Variants in FAM20A observed in about 807,000 individuals in gnomAD.
The protein encoded by FAM20A is FAM20A golgi associated secretory pathway pseudokinase.
Under a neutral mutation model 52.0 loss-of-function variants are expected in FAM20A, and 42 were observed. The ratio of observed to expected loss-of-function variants is 0.81; its 90% CI spans 0.63 to 1.04. The LOEUF is 1.04. Among genes scored for constraint, FAM20A ranks in the 50% least tolerant of loss-of-function variants. The probability of loss-of-function intolerance (pLI) is 0.00; values close to 1 mark genes in which losing one functional copy is unlikely to be tolerated. For missense variants in FAM20A, 742 were observed against 712.7 expected, an observed-to-expected ratio of 1.04 and a Z score of -0.47; for synonymous variants, 304 against 298.9, an observed-to-expected ratio of 1.02 and a Z score of -0.18.
intron 8 of FAM20A, chr17:68,540,518 C>G (rs1288160140): frequency 2.1e-6 from 1 of 484,856 alleles, no homozygotes; most frequent in African/African-American, 1.9e-5. Flanking sequence ...CTCCCTGCTA[C>G]ATATTTGTGT....
At chr17:68,567,665 A>T (rs974616800) in intron 1 of FAM20A, among the ~76,000 whole-genome samples, 1 of 152,000 alleles carries the variant, frequency 6.6e-6, no homozygotes, top group East Asian at 1.9e-4. Context: ...TTTGTCCTGC[A>T]TTGAAGCAAA....
intron 3 of FAM20A, among the ~76,000 whole-genome samples, chr17:68,554,057 C>CACATATGCAT (rs2086977628): frequency 1.5e-5 from 2 of 131,524 alleles, no homozygotes; most frequent in Admixed American, 1.5e-4. Context: ...CACATATACA[C>CACATATGCAT]ATATACACAC....
At chr17:68,598,814 G>A in intron 1 of FAM20A, among the ~76,000 whole-genome samples, 1 of 152,174 alleles carries the variant, frequency 6.6e-6, no homozygotes, top group Middle Eastern at 3.2e-3. Context: ...AAAAGCAAGT[G>A]ACTTTGTCCA....
chr17:68,564,351 A>G (rs542401826), intron 1 of FAM20A, among the ~76,000 whole-genome samples: 1 of 152,314 alleles, frequency 6.6e-6, no homozygotes, highest in Non-Finnish European at 1.5e-5. Flanking sequence ...AATGGTGGCT[A>G]TTTTTAATCA....
chr17:68,551,812 G>T, intron 4 of FAM20A, 61 bp downstream of exon 4: 3 of 1,222,734 alleles, frequency 2.5e-6, no homozygotes, highest in Non-Finnish European at 3.5e-6. Flanking sequence ...ATTAGTTTTT[G>T]GTCCAAATCT....
chr17:68,567,231 A>G (rs2087402357), intron 1 of FAM20A, among the ~76,000 whole-genome samples: 1 of 151,900 alleles, frequency 6.6e-6, no homozygotes, highest in South Asian at 2.1e-4. Flanking sequence ...CTGTTATTGC[A>G]CGAAAGGGGC....
intron 5 of FAM20A, 73 bp from the exon 6 acceptor site, chr17:68,542,882 C>T: frequency 8.5e-7 from 1 of 1,174,504 alleles, no homozygotes. Context: ...GTCCCCCGGC[C>T]AGTGCACATT....
In FAM20A at chr17:68,537,558, G is replaced by A. The variant is rs1036227169; in HGVS notation, c.1545C>T (p.Ala515=). ...ILRTVEGCIV[A]HGQQSVIVDG... ...CGACTATGACACTCTGCTGTCCATGGGCCACTATGCACCCCTCCACTGTCC... is the reference window on the plus strand; with the variant it reads ...CGACTATGACACTCTGCTGTCCATGAGCCACTATGCACCCCTCCACTGTCC... The change falls in exon 11 of 11, where the codon GCC becomes GCT. Residue 515 remains alanine, a synonymous_variant. Coordinates refer to ENST00000592554, the MANE Select transcript of FAM20A (RefSeq NM_017565.4). This position sits in a 1 kb window ranked among gnomAD's most constrained non-coding sequence, Gnocchi z 4.2. 1 of 1,613,468 alleles carries A rather than the reference G, an allele frequency of 6.2e-7. No homozygotes were observed. The highest frequency in any genetic ancestry group is 1.1e-5 in the South Asian group (1 of 91,002).
chr17:68,589,010 A>T (rs1425892693), intron 1 of FAM20A, among the ~76,000 whole-genome samples: 2 of 152,224 alleles, frequency 1.3e-5, no homozygotes, highest in Non-Finnish European at 2.9e-5. Flanking sequence ...TTTCTCTTCA[A>T]TGGCCAGGAT....
At chr17:68,542,630 A>AG (rs1282784159) in intron 6 of FAM20A, 64 bp downstream of exon 6, 6 of 1,222,326 alleles carry the variant, frequency 4.9e-6, no homozygotes, top group Non-Finnish European at 7.3e-6. Flanking sequence ...TGATGAATGG[A>AG]GGGGTGGACA....
chr17:68,556,008 A>G (rs1682322148), intron 1 of FAM20A, among the ~76,000 whole-genome samples: 1 of 152,178 alleles, frequency 6.6e-6, no homozygotes, highest in Non-Finnish European at 1.5e-5. Context: ...TTAATTACAA[A>G]CCAGGACAAA....
chr17:68,554,057 CAT>C (rs371446921), intron 3 of FAM20A, among the ~76,000 whole-genome samples: 22 of 131,526 alleles, frequency 1.7e-4, no homozygotes, highest in South Asian at 1.2e-3. Context: ...CACATATACA[CAT>C]ATACACACAT....
intron 4 of FAM20A, among the ~76,000 whole-genome samples, chr17:68,545,112 A>G (rs1242932071): frequency 6.6e-6 from 1 of 152,258 alleles, no homozygotes. Context: ...ACTTACAGAA[A>G]AATACAAAGC....
intron 5 of FAM20A, 77 bp downstream of exon 5, chr17:68,543,552 T>C (rs1236973667): frequency 7.7e-7 from 1 of 1,294,874 alleles, no homozygotes; most frequent in Admixed American, 1.7e-5. Context: ...AGTTCCCACC[T>C]TGAGGGTCTG....
chr17:68,571,114 G>A, intron 1 of FAM20A, among the ~76,000 whole-genome samples: 1 of 152,156 alleles, frequency 6.6e-6, no homozygotes, highest in Admixed American at 6.5e-5. Context: ...AGGAAAATGA[G>A]AAAGGGGCTG....
Position 68,540,858 on chromosome 17 carries a change from A to G in FAM20A, c.1210T>C (p.Phe404Leu). ...GCGTGTGGGGACCTACCTATCAAGA[A>G]GTCGAAGATGGCCATGTCGATGACA... is the stretch of plus-strand genomic sequence containing the variant. ...LNVIDMAIFD[F>L]LIGNMDRHHY... Residue 404 changes from phenylalanine to leucine, a missense_variant, in exon 8 of 11, where the codon TTC becomes CTC. Transcript: ENST00000592554. 4 of 1,600,388 alleles carry G rather than the reference A, an allele frequency of 2.5e-6. No individual in the cohort carries two copies. Among genetic ancestry groups the G allele is most frequent in the Non-Finnish European group, 3.4e-6 (4 of 1,173,140 alleles).
chr17:68,554,903 C>T, intron 2 of FAM20A, 76 bp from the exon 3 acceptor site: 4 of 1,485,448 alleles, frequency 2.7e-6, no homozygotes, highest in Non-Finnish European at 3.7e-6. Flanking sequence ...GGTCCCTTGA[C>T]TCTGGTTCAG....
In FAM20A at chr17:68,536,197, G is replaced by C. The variant is rs1477692465; in HGVS notation, c.*1280C>G. On this transcript the variant is annotated 3_prime_UTR_variant, in exon 11 of 11. Coordinates refer to ENST00000592554, the MANE Select transcript of FAM20A (RefSeq NM_017565.4). ...CTGCAGAAAGCTTGGAGACATTTCT[G>C]GTTCTTGACCTTGTACTCTCTTTAG... The C allele has an allele frequency of 6.6e-6, 3 of 453,944 alleles. No individual in the cohort carries two copies. Among genetic ancestry groups the C allele is most frequent in the Admixed American group, 2.3e-5 (1 of 42,556 alleles). 28.1% of individuals were successfully genotyped at this position (453,944 alleles called of 1,614,324 possible).
Position 68,536,599 on chromosome 17 carries a change from G to A in FAM20A, c.*878C>T, listed in dbSNP as rs1192592689. The A allele has an allele frequency of 1.5e-5, 7 of 453,468 alleles. No homozygotes were observed. Among genetic ancestry groups the A allele is most frequent in the South Asian group, 1.1e-4 (7 of 64,436 alleles). 28.1% of individuals were successfully genotyped at this position (453,468 alleles called of 1,614,324 possible). A position where few individuals can be genotyped will look rare whatever the true frequency, so the allele number is the denominator to read the frequency against. On this transcript the variant is annotated 3_prime_UTR_variant, in exon 11 of 11. Transcript: ENST00000592554. Reference sequence around the variant, plus strand: ...CTTTCTTCTTTTGGGGATGGGCCGGGGACAATCCTGGGGTCTTAGGGAAGA... The same window carrying A: ...CTTTCTTCTTTTGGGGATGGGCCGGAGACAATCCTGGGGTCTTAGGGAAGA...
Sources: gnomAD v4.1 joint callset for allele counts (sites outside exome capture counted in the v4.1 genomes callset) on GRCh38, gnomAD v4.1.1 for gene constraint, Gnocchi (gnomAD v3.1) non-coding constraint, MANE v1.5 for transcripts, NCBI Gene and HGNC (gene_info 2026-07-23, HGNC 2026-07-21) for gene names.